NPAS3: variants seen among roughly 807,000 people sequenced by gnomAD.
The protein encoded by NPAS3 is neuronal PAS domain-containing protein 3.
NPAS3 carries 14 observed loss-of-function variants against 73.1 expected under a neutral mutation model. That is an observed-to-expected ratio of 0.19 (90% CI 0.13 to 0.30). The LOEUF (loss-of-function observed/expected upper bound fraction) is 0.30. Among genes scored for constraint, NPAS3 ranks in the 10% least tolerant of loss-of-function variants. The pLI, the probability that NPAS3 is intolerant of heterozygous loss-of-function variation, is 1.00. For synonymous variants in NPAS3, 620 were observed against 541.5 expected, an observed-to-expected ratio of 1.14 and a Z score of -2.01; for missense variants, 1,096 against 1,250.0, an observed-to-expected ratio of 0.88 and a Z score of 1.86.
chr14:33,333,061 C>T (rs2044057642), intron 3 of NPAS3, among the ~76,000 whole-genome samples: 1 of 152,210 alleles, frequency 6.6e-6, no homozygotes, highest in Non-Finnish European at 1.5e-5. Flanking sequence ...ATACAATAGT[C>T]AGAGCATCTG....
intron 4 of NPAS3, among the ~76,000 whole-genome samples, chr14:33,380,071 A>T (rs2046479392): frequency 6.6e-6 from 1 of 151,638 alleles, no homozygotes; most frequent in Non-Finnish European, 1.5e-5. Context: ...AAATAAAAAA[A>T]ATACAGATAA....
chr14:33,142,324 C>T (rs1247340242), intron 2 of NPAS3, among the ~76,000 whole-genome samples: 1 of 149,528 alleles, frequency 6.7e-6, no homozygotes, highest in East Asian at 2.0e-4. Flanking sequence ...CATTTTTTAG[C>T]CTTAACTGCT....
At chr14:33,141,212 C>A (rs2044031752) in intron 2 of NPAS3, among the ~76,000 whole-genome samples, 2 of 152,198 alleles carry the variant, frequency 1.3e-5, no homozygotes, top group African/African-American at 4.8e-5. Flanking sequence ...TGAAGCACCT[C>A]ATGTTAAGCA....
intron 2 of NPAS3, among the ~76,000 whole-genome samples, chr14:33,076,076 A>G (rs1404129971): frequency 6.6e-6 from 1 of 152,174 alleles, no homozygotes; most frequent in Admixed American, 6.5e-5. Context: ...AAAAAAACCC[A>G]TCTTGTATTT....
chr14:33,428,159 T>C (rs1179755176), intron 4 of NPAS3, among the ~76,000 whole-genome samples: 1 of 152,106 alleles, frequency 6.6e-6, no homozygotes, highest in East Asian at 1.9e-4. Context: ...ACCAGAGAAC[T>C]GATCTAGTGC....
At chr14:33,582,362 C>T (rs933141127) in intron 5 of NPAS3, among the ~76,000 whole-genome samples, 2 of 152,164 alleles carry the variant, frequency 1.3e-5, no homozygotes, top group African/African-American at 2.4e-5. Context: ...GGTTATGTTT[C>T]CTGAAGAGCA....
chr14:33,075,248 C>T (rs958429907), intron 2 of NPAS3, among the ~76,000 whole-genome samples: 2 of 152,144 alleles, frequency 1.3e-5, no homozygotes, highest in South Asian at 4.1e-4. Flanking sequence ...TTCTTAGGGT[C>T]CCTCTATATT....
chr14:33,079,921 C>G (rs1170480283), intron 2 of NPAS3, among the ~76,000 whole-genome samples: 3 of 151,596 alleles, frequency 2.0e-5, no homozygotes, highest in East Asian at 3.9e-4. Context: ...TTGAATTGTA[C>G]TTTTTCTTTC....
intron 3 of NPAS3, among the ~76,000 whole-genome samples, chr14:33,340,985 AG>A (rs769521540): frequency 1.9e-4 from 29 of 152,240 alleles, no homozygotes; most frequent in Non-Finnish European, 3.7e-4. Context: ...AGATGTTCCA[AG>A]ATATTTTATT....
At chr14:33,697,327 C>T (rs1355989777) in intron 6 of NPAS3, among the ~76,000 whole-genome samples, 2 of 152,180 alleles carry the variant, frequency 1.3e-5, no homozygotes, top group East Asian at 3.8e-4. Flanking sequence ...CCAGAGCTTA[C>T]ATAACAGAGA....
At chr14:33,625,373 A>G (rs2058191300) in intron 5 of NPAS3, among the ~76,000 whole-genome samples, 1 of 152,224 alleles carries the variant, frequency 6.6e-6, no homozygotes, top group East Asian at 1.9e-4. Context: ...GTAGGGAAAT[A>G]TCTTTCCTTT....
At chr14:33,045,256 C>T (rs1038056770) in intron 1 of NPAS3, among the ~76,000 whole-genome samples, 1 of 152,126 alleles carries the variant, frequency 6.6e-6, no homozygotes, top group African/African-American at 2.4e-5. Context: ...TCATCCTGAA[C>T]TAGGAAAAGG....
At chr14:33,542,787 G>GA (rs769792287) in intron 4 of NPAS3, among the ~76,000 whole-genome samples, 7 of 152,214 alleles carry the variant, frequency 4.6e-5, no homozygotes, top group Non-Finnish European at 7.3e-5. Flanking sequence ...CACATGATGG[G>GA]AGGGAGGTGC....
At chr14:33,595,892 G>A (rs939361171) in intron 5 of NPAS3, among the ~76,000 whole-genome samples, 7 of 152,100 alleles carry the variant, frequency 4.6e-5, no homozygotes, top group Admixed American at 3.3e-4. Flanking sequence ...GGATGGTCTC[G>A]ATCTCCTGAC....
intron 5 of NPAS3, among the ~76,000 whole-genome samples, chr14:33,563,537 C>CACACACACACACACACACACACAGAG: frequency 2.2e-4 from 26 of 119,690 alleles, no homozygotes; most frequent in South Asian, 1.6e-3. Flanking sequence ...CACACACACA[C>CACACACACACACACACACACACAGAG]AGAGAGAGAG....
chr14:33,165,320 T>C (rs1285594703), intron 2 of NPAS3, among the ~76,000 whole-genome samples: 2 of 151,650 alleles, frequency 1.3e-5, no homozygotes, highest in African/African-American at 2.4e-5. Context: ...TTTTGTTTCA[T>C]TGCATAATCT....
intron 1 of NPAS3, among the ~76,000 whole-genome samples, chr14:32,978,415 A>G (rs187087536): frequency 2.0e-5 from 3 of 152,226 alleles, no homozygotes; most frequent in African/African-American, 4.8e-5. Context: ...TTGCGTGAAT[A>G]GAGTCCTCCA....
intron 4 of NPAS3, among the ~76,000 whole-genome samples, chr14:33,394,653 C>T (rs898163404): frequency 1.3e-5 from 2 of 151,976 alleles, no homozygotes; most frequent in African/African-American, 2.4e-5. Context: ...ATCATTTTTC[C>T]ATATTTATCC....
chr14:33,381,419 G>T (rs1485757002), intron 4 of NPAS3, among the ~76,000 whole-genome samples: 1 of 152,190 alleles, frequency 6.6e-6, no homozygotes, highest in Non-Finnish European at 1.5e-5. Context: ...GATTGCTGTG[G>T]ATCAAACTAT....
Sources: allele counts gnomAD v4.1 joint callset (sites outside exome capture counted in the v4.1 genomes callset), GRCh38; gene constraint gnomAD v4.1.1; transcripts MANE v1.5; gene names NCBI Gene and HGNC (gene_info 2026-07-23, HGNC 2026-07-21).